Variants in PPARGC1A observed in about 807,000 individuals in gnomAD.
PPARGC1A encodes the protein peroxisome proliferator-activated receptor gamma coactivator 1-alpha.
In PPARGC1A, 25 loss-of-function variants were observed where a neutral mutation model predicts 88.7. The observed-to-expected ratio is 0.28, with a 90% CI of 0.21 to 0.39. The LOEUF (loss-of-function observed/expected upper bound fraction) is 0.39. Among genes scored for constraint, PPARGC1A ranks in the 10% least tolerant of loss-of-function variants. PPARGC1A has a pLI of 1.00. For missense variants in PPARGC1A, 880 were observed against 968.7 expected, an observed-to-expected ratio of 0.91 and a Z score of 1.22; for synonymous variants, 363 against 355.6, an observed-to-expected ratio of 1.02 and a Z score of -0.24.
At chr4:24,237,445 T>G in the PPARGC1A span, among the ~76,000 whole-genome samples, 4 of 152,158 alleles carry the variant, frequency 2.6e-5, no homozygotes, top group Non-Finnish European at 5.9e-5. Flanking sequence ...CAACCAAATC[T>G]CCATTCCTCA....
the PPARGC1A span, among the ~76,000 whole-genome samples, chr4:24,199,845 C>G: frequency 4.6e-4 from 70 of 152,090 alleles, 1 homozygote; most frequent in African/African-American, 1.6e-3. Context: ...CTCCCACAGT[C>G]AAGCCATTTC....
At chr4:23,849,915 C>A (rs76327932) in intron 2 of PPARGC1A, among the ~76,000 whole-genome samples, 2 of 150,382 alleles carry the variant, frequency 1.3e-5, no homozygotes, top group Non-Finnish European at 3.0e-5. Context: ...CCTCGCTGCA[C>A]GGTACAGTCA....
At chr4:23,879,236 C>T (rs576716698) in intron 2 of PPARGC1A, among the ~76,000 whole-genome samples, 4 of 152,130 alleles carry the variant, frequency 2.6e-5, no homozygotes, top group African/African-American at 7.2e-5. Flanking sequence ...AGGAGGTTTG[C>T]CATTCATAGA....
At chr4:24,196,954 A>G in the PPARGC1A span, among the ~76,000 whole-genome samples, 1 of 152,208 alleles carries the variant, frequency 6.6e-6, no homozygotes, top group Admixed American at 6.5e-5. Flanking sequence ...TAAGCAGAAG[A>G]GACAGTGTGT....
the PPARGC1A span, among the ~76,000 whole-genome samples, chr4:24,210,029 C>A: frequency 6.6e-6 from 1 of 152,148 alleles, no homozygotes; most frequent in African/African-American, 2.4e-5. Flanking sequence ...GATTGTATGA[C>A]AAATCAAATT....
the PPARGC1A span, among the ~76,000 whole-genome samples, chr4:24,235,780 C>G: frequency 6.6e-6 from 1 of 152,240 alleles, no homozygotes; most frequent in South Asian, 2.1e-4. Flanking sequence ...TTAAATGAGA[C>G]TGGGGGCAAA....
chr4:23,888,807 A>C, intron 1 of PPARGC1A: 1 of 392,310 alleles, frequency 2.5e-6, no homozygotes, highest in South Asian at 1.0e-4. Flanking sequence ...ATTTAATCAA[A>C]TCACGTGTGG....
chr4:24,094,078 C>G, the PPARGC1A span, among the ~76,000 whole-genome samples: 1 of 152,142 alleles, frequency 6.6e-6, no homozygotes, highest in Non-Finnish European at 1.5e-5. Flanking sequence ...ACTTGATTCT[C>G]AGCCCGCTCT....
chr4:24,209,511 A>T, the PPARGC1A span, among the ~76,000 whole-genome samples: 1 of 152,216 alleles, frequency 6.6e-6, no homozygotes, highest in Non-Finnish European at 1.5e-5. Context: ...AGGGCACAGC[A>T]CAGCCCCTCA....
At chr4:23,999,513 T>G in the PPARGC1A span, among the ~76,000 whole-genome samples, 23 of 152,166 alleles carry the variant, frequency 1.5e-4, 1 homozygote, top group African/African-American at 7.2e-5. Context: ...GGGTTGATTT[T>G]TTGTTGTTGT....
the PPARGC1A span, among the ~76,000 whole-genome samples, chr4:24,252,192 G>C: frequency 6.6e-6 from 1 of 152,224 alleles, no homozygotes; most frequent in Middle Eastern, 3.4e-3. Context: ...ATATGGTAAT[G>C]TTCTATGATG....
chr4:24,111,204 T>C, the PPARGC1A span, among the ~76,000 whole-genome samples: 1 of 152,200 alleles, frequency 6.6e-6, no homozygotes, highest in African/African-American at 2.4e-5. Flanking sequence ...TCCTAGTTGA[T>C]GAAATGAGTG....
chr4:23,939,228 C>CA, the PPARGC1A span, among the ~76,000 whole-genome samples: 2 of 146,058 alleles, frequency 1.4e-5, no homozygotes, highest in East Asian at 3.9e-4. Context: ...GCATATCAAA[C>CA]CCCCCCCCAA....
chr4:24,269,655 CTT>C, the PPARGC1A span, among the ~76,000 whole-genome samples: 87 of 78,090 alleles, frequency 1.1e-3, no homozygotes, highest in African/African-American at 3.8e-3. Flanking sequence ...CATCATCACA[CTT>C]TATTATCATC....
the PPARGC1A span, among the ~76,000 whole-genome samples, chr4:24,052,002 G>T: frequency 6.6e-6 from 1 of 151,016 alleles, no homozygotes; most frequent in East Asian, 1.9e-4. Flanking sequence ...CTACTCCAGG[G>T]TTGGGATAAT....
the PPARGC1A span, among the ~76,000 whole-genome samples, chr4:23,935,853 G>A: frequency 6.6e-6 from 1 of 151,534 alleles, no homozygotes; most frequent in South Asian, 2.1e-4. Flanking sequence ...TGAAGCCCTT[G>A]TATAACAGTA....
At chr4:24,023,384 G>GA in the PPARGC1A span, among the ~76,000 whole-genome samples, 14 of 151,694 alleles carry the variant, frequency 9.2e-5, no homozygotes, top group South Asian at 2.1e-4. Context: ...GACAGGTTTG[G>GA]AAAAAAAACA....
chr4:24,014,663 C>T, the PPARGC1A span, among the ~76,000 whole-genome samples: 4 of 152,080 alleles, frequency 2.6e-5, no homozygotes, highest in Admixed American at 6.6e-5. Context: ...AGAGGGTCAT[C>T]CTTCTTCATA....
chr4:23,899,086 C>G lies in PPARGC1A; in HGVS notation n.52+181G>C, dbSNP rs761212392. On this transcript the variant is annotated intron_variant and non_coding_transcript_variant, in intron 1 of 3. Coordinates refer to the PPARGC1A transcript ENST00000507342. ...CGAACTCCAGACCTGATGATCCACCCCCCCCCGGCCTTGGCCTTCCAAAGT... is the reference window on the plus strand; with the variant it reads ...CGAACTCCAGACCTGATGATCCACCGCCCCCCGGCCTTGGCCTTCCAAAGT... Among the ~76,000 whole-genome samples the G allele has an allele frequency of 2.1e-4, 2 of 9,586 alleles. 1 individual carries two copies. The highest frequency in any genetic ancestry group is 4.7e-3 in the South Asian group (2 of 422). 6.3% of individuals were successfully genotyped at this position (9,586 alleles called of 152,430 possible).
Sources: gnomAD v4.1 joint callset for allele counts (sites outside exome capture counted in the v4.1 genomes callset) on GRCh38, gnomAD v4.1.1 for gene constraint, MANE v1.5 for transcripts, NCBI Gene and HGNC (gene_info 2026-07-23, HGNC 2026-07-21) for gene names.